HSPA9: variants seen among roughly 807,000 people sequenced by gnomAD.
HSPA9 encodes the protein stress-70 protein, mitochondrial.
A neutral mutation model predicts 81.5 loss-of-function variants in HSPA9; 28 were observed. The ratio of observed to expected loss-of-function variants is 0.34; its 90% CI spans 0.25 to 0.47. HSPA9 has a LOEUF of 0.47. Among genes scored for constraint, HSPA9 ranks in the 20% least tolerant of loss-of-function variants. The pLI, the probability that HSPA9 is intolerant of heterozygous loss-of-function variation, is 1.00. For synonymous variants in HSPA9, 293 were observed against 290.4 expected, an observed-to-expected ratio of 1.01 and a Z score of -0.09; for missense variants, 678 against 838.0, an observed-to-expected ratio of 0.81 and a Z score of 2.36.
At chr5:138,567,743 A>G in intron 5 of HSPA9, 21 bp from the exon 6 acceptor site, 2 of 1,573,960 alleles carry the variant, frequency 1.3e-6, no homozygotes, top group Non-Finnish European at 1.7e-6. Context: ...ATGAAATTCA[A>G]TCATGGAATT....
chr5:138,572,785 G>A (rs1750936022), intron 3 of HSPA9, among the ~76,000 whole-genome samples: 1 of 152,004 alleles, frequency 6.6e-6, no homozygotes, highest in Non-Finnish European at 1.5e-5. Flanking sequence ...TTTCCTATAT[G>A]CCTGATATCT....
At chr5:138,564,093 ATTATTT>A (rs1275748406) in intron 9 of HSPA9, among the ~76,000 whole-genome samples, 2 of 151,934 alleles carry the variant, frequency 1.3e-5, no homozygotes, top group Non-Finnish European at 2.9e-5. Flanking sequence ...GATTATTTTT[ATTATTT>A]TTATTTTTCA....
intron 5 of HSPA9, among the ~76,000 whole-genome samples, chr5:138,567,975 G>A (rs538657685): frequency 1.3e-5 from 2 of 149,192 alleles, no homozygotes; most frequent in South Asian, 4.3e-4. Flanking sequence ...ACCTAAGGTT[G>A]AGAGTTTTGA....
intron 11 of HSPA9, 113 bp from the exon 12 acceptor site, chr5:138,558,770 G>A (rs184279982): frequency 1.6e-5 from 12 of 739,912 alleles, no homozygotes; most frequent in African/African-American, 8.6e-5. Flanking sequence ...CCTAATTTAC[G>A]GTATGTTCAG....
At chr5:138,573,152 C>A (rs1259487118) in intron 3 of HSPA9, among the ~76,000 whole-genome samples, 5 of 152,126 alleles carry the variant, frequency 3.3e-5, no homozygotes. Context: ...CTTGGCCTCC[C>A]AAAGTGCTAG....
intron 1 of HSPA9, chr5:138,575,027 G>A (rs1197400049): frequency 1.5e-5 from 9 of 601,920 alleles, no homozygotes; most frequent in Non-Finnish European, 2.4e-5. Flanking sequence ...TAGATCGCGA[G>A]GGGTGTGACT....
intron 11 of HSPA9, chr5:138,559,637 C>T (rs1428906084): frequency 3.9e-6 from 2 of 513,068 alleles, no homozygotes; most frequent in Non-Finnish European, 7.1e-6. Context: ...TACTGATGTC[C>T]TTCTTATAAT....
At chr5:138,558,788 G>A in intron 11 of HSPA9, 131 bp from the exon 12 acceptor site, 3 of 699,618 alleles carry the variant, frequency 4.3e-6, no homozygotes, top group South Asian at 3.0e-5. Context: ...CAGAACAAAG[G>A]CTGATGTCTT....
chr5:138,561,867 A>G, intron 9 of HSPA9, 78 bp from the exon 10 acceptor site: 3 of 1,112,804 alleles, frequency 2.7e-6, no homozygotes, highest in Admixed American at 3.4e-5. Flanking sequence ...CTAAAATATG[A>G]CCATGCCCTA....
At chr5:138,574,016 G>T in intron 2 of HSPA9, 52 bp downstream of exon 2, 1 of 1,428,004 alleles carries the variant, frequency 7.0e-7, no homozygotes, top group Admixed American at 1.7e-5. Context: ...AGAAAACACT[G>T]CTTTGAAGTT....
Position 138,555,571 on chromosome 5 carries a change from G to C in HSPA9, c.*466C>G, listed in dbSNP as rs1215379660. On this transcript the variant is annotated 3_prime_UTR_variant, in exon 17 of 17. Coordinates refer to ENST00000297185, the MANE Select transcript of HSPA9 (RefSeq NM_004134.7). ...CCCATCTACAAACATGGCACAGCCAGCTTGACTTGCAAGGCCTCAGTTGAA... is the reference window on the plus strand; with the variant it reads ...CCCATCTACAAACATGGCACAGCCACCTTGACTTGCAAGGCCTCAGTTGAA... 5.2e-6 allele frequency: 1 copy of C among 193,186 alleles called. No individual in the cohort carries two copies. The highest frequency in any genetic ancestry group is 1.1e-5 in the Non-Finnish European group (1 of 92,488). 12.0% of individuals were successfully genotyped at this position (193,186 alleles called of 1,614,324 possible).
chr5:138,573,188 C>T (rs947910217), intron 3 of HSPA9, among the ~76,000 whole-genome samples: 8 of 152,150 alleles, frequency 5.3e-5, no homozygotes, highest in African/African-American at 1.2e-4. Context: ...CCACTGTACC[C>T]GGCCAATTTT....
At chr5:138,563,183 T>C (rs1168859829) in intron 9 of HSPA9, among the ~76,000 whole-genome samples, 1 of 152,232 alleles carries the variant, frequency 6.6e-6, no homozygotes, top group African/African-American at 2.4e-5. Flanking sequence ...TGCTATCCAG[T>C]AGAATTTTCT....
At position 138,558,629 on chromosome 5, in the gene HSPA9, G is replaced by A. The variant is rs780729960; in HGVS notation, c.1439C>T (p.Thr480Met). 4.6e-5 allele frequency: 75 copies of A among 1,613,324 alleles called. No individual in the cohort carries two copies. Among genetic ancestry groups the A allele is most frequent in the Admixed American group, 6.7e-5 (4 of 59,974 alleles). Residue 480 changes from threonine (T) to methionine (M), a missense_variant, in exon 12 of 17, where the codon ACG becomes ATG. Coordinates refer to ENST00000297185, the MANE Select transcript of HSPA9 (RefSeq NM_004134.7). ...CTGACACACTTTAATTTCCACTTGC[G>A]TTTGACCATCAGCGGCAGTAGAGAA... ...QVFSTAADGQ[T>M]QVEIKVCQGE... is the part of the protein sequence containing the mutation.
rs1411776671 is a variant in HSPA9 at position 138,556,456 on chromosome 5, T to C, written c.1958A>G (p.Lys653Arg). 2.5e-6 allele frequency: 4 copies of C among 1,613,600 alleles called. No individual in the cohort carries two copies. The highest frequency in any genetic ancestry group is 1.7e-5 in the Admixed American group (1 of 60,014). ...AATCCACTTCAGCCCTTGTACCTTT[T>C]TGTATGCCATTTCGAACAGCTTCAG... ...ASLKLFEMAY[K>R]KMASEREGSG... The change falls in exon 16 of 17, where the codon AAA becomes AGA. Residue 653 changes from lysine to arginine, a missense_variant. By Grantham distance (26) the Lys-to-Arg change is conservative (BLOSUM62 2). This residue lies in a region of HSPA9 where 100 missense variants were observed against 99.5 expected (regional missense o/e 1.00). Coordinates refer to ENST00000297185, the MANE Select transcript of HSPA9 (RefSeq NM_004134.7).
intron 13 of HSPA9, 91 bp from the exon 14 acceptor site, chr5:138,557,587 C>G (rs1276628387): frequency 2.5e-5 from 21 of 831,702 alleles, no homozygotes; most frequent in Non-Finnish European, 3.7e-5. Context: ...CTGCTCATAG[C>G]AGCCAATCTT....
chr5:138,566,728 G>A lies in HSPA9; in HGVS notation c.880-10C>T, dbSNP rs1750772642. 6.3e-7 allele frequency: 1 copy of A among 1,596,800 alleles called. No individual in the cohort carries two copies. The highest frequency in any genetic ancestry group is 1.1e-5 in the South Asian group (1 of 90,738). ...TCAAATCAACCCCTGTCTATAAAGTGAAGACATTGAACACCAAACACCAGC... is the reference window on the plus strand; with the variant it reads ...TCAAATCAACCCCTGTCTATAAAGTAAAGACATTGAACACCAAACACCAGC... On this transcript the variant is annotated splice_polypyrimidine_tract_variant and intron_variant, in intron 8 of 16. Coordinates refer to ENST00000297185, the MANE Select transcript of HSPA9 (RefSeq NM_004134.7).
At position 138,575,297 on chromosome 5, in the gene HSPA9, C is replaced by T; in HGVS notation, c.22G>A (p.Ala8Thr). 1 of 1,612,190 alleles carries T rather than the reference C, an allele frequency of 6.2e-7. No individual in the cohort carries two copies. The highest frequency in any genetic ancestry group is 8.5e-7 in the Non-Finnish European group (1 of 1,179,564). ...GCGGCGCCCACGAGACGGGCTGCTG[C>T]AGCTCGGCTGGCACTTATCATGGCG... is the stretch of plus-strand genomic sequence containing the variant. MISASRA[A>T]AARLVGAAAS... Residue 8 changes from alanine (A) to threonine (T), a missense_variant, in exon 1 of 17, where the codon GCA (alanine) becomes ACA (threonine). Physicochemically the swap from Ala to Thr is moderately conservative, Grantham distance 58. This residue lies in a region of HSPA9 where 89 missense variants were observed against 70.4 expected (regional missense o/e 1.27). Coordinates refer to ENST00000297185, the MANE Select transcript of HSPA9 (RefSeq NM_004134.7).
rs764222948 is a variant in HSPA9, at chr5:138,566,601, A to T, written c.972+25T>A. On this transcript the variant is annotated intron_variant, in intron 9 of 16. Transcript: ENST00000297185. ...GCTCCGGCTGAAAATATCCATCAAG[A>T]CTGCTCGAATTTTCCGTGTCTCACC... is the stretch of plus-strand genomic sequence containing the variant. The T allele has an allele frequency of 3.3e-6, 5 of 1,493,806 alleles. No individual in the cohort carries two copies. In the Admixed American group the frequency reaches 8.4e-5, roughly 25 times the overall value. 92.5% of individuals were successfully genotyped at this position (1,493,806 alleles called of 1,614,324 possible). A position where few individuals can be genotyped will look rare whatever the true frequency, so the allele number is the denominator to read the frequency against.
Sources: gnomAD v4.1 joint callset for allele counts (sites outside exome capture counted in the v4.1 genomes callset) on GRCh38, gnomAD v4.1.1 for gene constraint, gnomAD v4.1.1 regional missense constraint, MANE v1.5 for transcripts, NCBI Gene and HGNC (gene_info 2026-07-23, HGNC 2026-07-21) for gene names.